The following LUC7L3 variants were observed in gnomAD, a reference collection of about 807,000 sequenced individuals.
LUC7L3 encodes LUC7 like 3 pre-mRNA splicing factor, also known as luc7-like protein 3.
In LUC7L3, 6 loss-of-function variants were observed where a neutral mutation model predicts 66.8. The ratio of observed to expected loss-of-function variants is 0.09; its 90% CI spans 0.05 to 0.18. The LOEUF (loss-of-function observed/expected upper bound fraction) is 0.18, where lower values mean the gene tolerates loss of function less well. LUC7L3 is among the 10% of genes least tolerant of loss of function. The probability of loss-of-function intolerance (pLI) is 1.00; values close to 1 mark genes in which losing one functional copy is unlikely to be tolerated. For missense variants in LUC7L3, 341 were observed against 531.1 expected, an observed-to-expected ratio of 0.64 and a Z score of 3.52; for synonymous variants, 160 against 174.7, an observed-to-expected ratio of 0.92 and a Z score of 0.66.
At chr17:50,724,640 TG>T (rs1204719836) in intron 1 of LUC7L3, among the ~76,000 whole-genome samples, 3 of 151,366 alleles carry the variant, frequency 2.0e-5, no homozygotes, top group Non-Finnish European at 4.4e-5. Flanking sequence ...TGTGTGTGTG[TG>T]TGTGTCATTA....
chr17:50,729,899 TATATATATATATATATATATA>T (rs1567860455), intron 1 of LUC7L3, among the ~76,000 whole-genome samples: 264 of 14,256 alleles, frequency 0.019, no homozygotes, highest in Non-Finnish European at 0.045. Flanking sequence ...AAATACATTA[TATATATATATATATATATATA>T]TATATATATA....
chr17:50,722,845 G>C (rs186076516), intron 1 of LUC7L3: 19 of 152,366 alleles, frequency 1.2e-4, no homozygotes, highest in African/African-American at 4.6e-4. Context: ...AGAAACTGCA[G>C]CTAAAGTGAA....
intron 5 of LUC7L3, among the ~76,000 whole-genome samples, chr17:50,742,799 AAAT>A (rs1038054490): frequency 2.6e-5 from 4 of 152,230 alleles, no homozygotes; most frequent in African/African-American, 4.8e-5. Flanking sequence ...GGCACAAAAA[AAAT>A]AAAACCCAGA....
At chr17:50,746,040 A>G (rs764908330) in intron 8 of LUC7L3, 37 bp downstream of exon 8, 7 of 1,546,568 alleles carry the variant, frequency 4.5e-6, no homozygotes, top group Non-Finnish European at 6.1e-6. Flanking sequence ...CCAGCTCATA[A>G]TGGGTGTGCA....
chr17:50,721,013 C>G (rs1968711162), intron 1 of LUC7L3, among the ~76,000 whole-genome samples: 1 of 151,882 alleles, frequency 6.6e-6, no homozygotes. Context: ...TCCCCCCGAC[C>G]ATTTGTCACA....
intron 6 of LUC7L3, 65 bp downstream of exon 6, chr17:50,743,875 T>C (rs1051260479): frequency 1.8e-5 from 21 of 1,159,244 alleles, no homozygotes; most frequent in African/African-American, 4.6e-5. Flanking sequence ...CTCATTTTTA[T>C]TTGAGAACCT....
chr17:50,734,023 A>G (rs1452048073), intron 1 of LUC7L3, among the ~76,000 whole-genome samples: 1 of 152,246 alleles, frequency 6.6e-6, no homozygotes, highest in African/African-American at 2.4e-5. Context: ...GGATGTTTTA[A>G]GAATTAGAAA....
Position 50,751,467 on chromosome 17 carries a change from A to G in LUC7L3, c.*806A>G. ...GTGTATCTTTTTTGTTCTTTACAAG[A>G]AGTGCAGAGGGGTTTTTTGTGTATT... On this transcript the variant is annotated 3_prime_UTR_variant, in exon 10 of 10. Coordinates refer to ENST00000505658, the MANE Select transcript of LUC7L3 (RefSeq NM_016424.5). 4 of 1,244,606 alleles carry G rather than the reference A, an allele frequency of 3.2e-6. No homozygotes were observed. The highest frequency in any genetic ancestry group is 4.1e-6 in the Non-Finnish European group (4 of 964,974). The allele number at this position is 1,244,606 out of a possible 1,614,324, so 77.1% of individuals were successfully genotyped here. A position where few individuals can be genotyped will look rare whatever the true frequency, so the allele number is the denominator to read the frequency against.
intron 1 of LUC7L3, among the ~76,000 whole-genome samples, chr17:50,735,445 C>CT (rs1305528780): frequency 6.6e-6 from 1 of 152,148 alleles, no homozygotes; most frequent in South Asian, 2.1e-4. Context: ...TTAACACTGC[C>CT]TTTTTTTCAT....
intron 3 of LUC7L3, 63 bp from the exon 4 acceptor site, chr17:50,741,039 A>C: frequency 6.6e-7 from 1 of 1,519,406 alleles, no homozygotes; most frequent in Middle Eastern, 1.7e-4. Context: ...GTTAAGATAG[A>C]ATATTTGAGT....
At chr17:50,738,044 A>T in intron 2 of LUC7L3, 1 of 400,980 alleles carries the variant, frequency 2.5e-6, no homozygotes, top group Non-Finnish European at 4.9e-6. Flanking sequence ...TTAAAAAAAG[A>T]ATGTAAAACA....
At chr17:50,745,376 C>G (rs1276940320) in intron 7 of LUC7L3, among the ~76,000 whole-genome samples, 1 of 152,138 alleles carries the variant, frequency 6.6e-6, no homozygotes, top group African/African-American at 2.4e-5. Flanking sequence ...ATAAAAATAA[C>G]TATATTCTAA....
At chr17:50,732,417 T>G (rs1969666161) in intron 1 of LUC7L3, among the ~76,000 whole-genome samples, 1 of 152,108 alleles carries the variant, frequency 6.6e-6, no homozygotes, top group Non-Finnish European at 1.5e-5. Context: ...GTCTTGCCCT[T>G]TTCACCCAGG....
chr17:50,722,278 CCCTCCG>C (rs2146681448), intron 1 of LUC7L3: 1 of 136,870 alleles, frequency 7.3e-6, no homozygotes, highest in East Asian at 2.2e-4. Flanking sequence ...GCTCATTGCA[CCCTCCG>C]CCTCCCGGGT....
intron 1 of LUC7L3, chr17:50,722,660 TAAG>T (rs2146682864): frequency 6.6e-6 from 1 of 152,332 alleles, no homozygotes; most frequent in African/African-American, 2.4e-5. Context: ...TGATGGGTAA[TAAG>T]TGAGCAAGCA....
intron 1 of LUC7L3, chr17:50,722,052 T>C (rs1488328500): frequency 6.6e-6 from 1 of 152,072 alleles, no homozygotes; most frequent in Non-Finnish European, 1.5e-5. Context: ...TAGATAGCTG[T>C]ATTTGACCTG....
In LUC7L3 at chr17:50,755,685, AAC is replaced by A. The variant is rs1210691325; in HGVS notation, c.*5025_*5026del. 6.6e-6 allele frequency: 1 copy of A among 152,224 alleles called. No individual in the cohort carries two copies. The highest frequency in any genetic ancestry group is 1.5e-5 in the Non-Finnish European group (1 of 68,038). 9.4% of individuals were successfully genotyped at this position (152,224 alleles called of 1,614,324 possible). A position where few individuals can be genotyped will look rare whatever the true frequency, so the allele number is the denominator to read the frequency against. ...AATTTGGTATAAGTGGGTGTGCCAT[AAC>A]CTCTCTCGTAGCCATTCATTCCCGG... is the stretch of plus-strand genomic sequence containing the variant. On this transcript the variant is annotated 3_prime_UTR_variant, in exon 10 of 10. Transcript: ENST00000505658.
At chr17:50,720,110 A>C (rs1008086267) in intron 1 of LUC7L3, among the ~76,000 whole-genome samples, 3 of 152,252 alleles carry the variant, frequency 2.0e-5, no homozygotes, top group African/African-American at 7.2e-5. Flanking sequence ...GAAGGATAGC[A>C]GCGTCTTATT....
At chr17:50,741,803 G>T in intron 5 of LUC7L3, 72 bp downstream of exon 5, 2 of 1,154,538 alleles carry the variant, frequency 1.7e-6, no homozygotes, top group Non-Finnish European at 2.6e-6. Flanking sequence ...TACAAGGATG[G>T]GCCAGGCATG....
Sources: gnomAD v4.1 joint callset for allele counts (sites outside exome capture counted in the v4.1 genomes callset) on GRCh38, gnomAD v4.1.1 for gene constraint, MANE v1.5 for transcripts, NCBI Gene and HGNC (gene_info 2026-07-23, HGNC 2026-07-21) for gene names.